PHF21B: variants seen among roughly 807,000 people sequenced by gnomAD.
PHF21B encodes PHD finger protein 21B.
A neutral mutation model predicts 62.2 loss-of-function variants in PHF21B; 22 were observed. The ratio of observed to expected loss-of-function variants is 0.35; its 90% confidence interval spans 0.25 to 0.51. The LOEUF (loss-of-function observed/expected upper bound fraction) is 0.51, where lower values mean the gene tolerates loss of function less well. PHF21B is among the 20% of genes least tolerant of loss of function. The pLI is 0.97. For synonymous variants in PHF21B, 341 were observed against 314.7 expected, an observed-to-expected ratio of 1.08 and a Z score of -0.88; for missense variants, 701 against 707.9, an observed-to-expected ratio of 0.99 and a Z score of 0.11.
At chr22:44,966,141 C>T (rs1242884203) in intron 2 of PHF21B, among the ~76,000 whole-genome samples, 3 of 152,160 alleles carry the variant, frequency 2.0e-5, no homozygotes, top group African/African-American at 7.2e-5. Context: ...GCACTCCCTG[C>T]ATCCCTCCAG....
At chr22:44,989,338 C>T (rs1189997739) in intron 2 of PHF21B, 3 of 152,148 alleles carry the variant, frequency 2.0e-5, no homozygotes, top group African/African-American at 7.2e-5. Flanking sequence ...CCAAAGAAAA[C>T]GCTGGATTTT....
At position 45,007,193 on chromosome 22, in the gene PHF21B, G is replaced by A. The variant is rs1310811125; in HGVS notation, c.120+1352C>T. 2.7e-5 allele frequency among the ~76,000 whole-genome samples: 4 copies of A among 148,180 alleles called. No homozygotes were observed. In the South Asian group the frequency reaches 8.6e-4, roughly 32 times the overall value. On this transcript the variant is annotated intron_variant, in intron 2 of 12. Coordinates refer to ENST00000313237, the MANE Select transcript of PHF21B (RefSeq NM_138415.5). ...GCGGCCCAGACCAGGCGCGGGCCGC[G>A]GCACTGCCATCTTCCTTTCAGCAAG...
intron 4 of PHF21B, 116 bp downstream of exon 4, chr22:44,916,164 G>T: frequency 2.1e-6 from 2 of 964,078 alleles, no homozygotes; most frequent in Non-Finnish European, 3.1e-6. Flanking sequence ...TGATCATTCT[G>T]CCTCCTGGTC....
chr22:45,006,514 G>T (rs2073316716), intron 2 of PHF21B, among the ~76,000 whole-genome samples: 1 of 152,046 alleles, frequency 6.6e-6, no homozygotes, highest in African/African-American at 2.4e-5. Flanking sequence ...ATTTTCAAAT[G>T]TTTCTTTCGG....
intron 2 of PHF21B, among the ~76,000 whole-genome samples, chr22:44,973,933 G>A (rs1569266263): frequency 6.6e-6 from 1 of 152,196 alleles, no homozygotes; most frequent in South Asian, 2.1e-4. Flanking sequence ...GGCAGGTAAG[G>A]ACAATGTAGG....
chr22:44,914,342 T>G (rs2071398791), intron 4 of PHF21B, among the ~76,000 whole-genome samples: 1 of 151,974 alleles, frequency 6.6e-6, no homozygotes, highest in Admixed American at 6.5e-5. Context: ...AAGGTCTGGG[T>G]TCCAGTCCTG....
intron 2 of PHF21B, among the ~76,000 whole-genome samples, chr22:44,926,942 G>C (rs972749729): frequency 6.6e-6 from 1 of 152,142 alleles, no homozygotes; most frequent in Non-Finnish European, 1.5e-5. Flanking sequence ...TTCCACACGA[G>C]TTCTTCTCGG....
intron 2 of PHF21B, among the ~76,000 whole-genome samples, chr22:44,923,489 G>A (rs998355983): frequency 1.3e-5 from 2 of 151,994 alleles, no homozygotes; most frequent in South Asian, 2.1e-4. Context: ...AAACATAATC[G>A]ATATAAGGGC....
chr22:44,923,149 A>C (rs990250370), intron 2 of PHF21B, among the ~76,000 whole-genome samples: 1 of 152,218 alleles, frequency 6.6e-6, no homozygotes, highest in Middle Eastern at 3.2e-3. Context: ...AAATAGATCA[A>C]TGGAACAGAA....
intron 3 of PHF21B, among the ~76,000 whole-genome samples, chr22:44,919,424 G>A (rs554659947): frequency 7.1e-4 from 108 of 152,092 alleles, no homozygotes; most frequent in Non-Finnish European, 1.5e-3. Context: ...TTTTATGTGC[G>A]GCCTAAGACA....
chr22:44,929,776 G>A (rs2071704277), intron 2 of PHF21B, among the ~76,000 whole-genome samples: 2 of 152,232 alleles, frequency 1.3e-5, no homozygotes, highest in South Asian at 4.1e-4. Flanking sequence ...TCTCAGTCCT[G>A]CGCGCCTCTG....
chr22:44,933,575 G>A (rs2071784231), intron 2 of PHF21B: 4 of 980,410 alleles, frequency 4.1e-6, no homozygotes, highest in African/African-American at 3.5e-5. Context: ...CTCAACGGAA[G>A]TGCACGGGAA....
In PHF21B at chr22:45,009,913, C is replaced by G. The variant is rs963717772; in HGVS notation, c.-364G>C. 6.8e-6 allele frequency: 1 copy of G among 146,546 alleles called. No homozygotes were observed. The highest frequency in any genetic ancestry group is 2.5e-5 in the African/African-American group (1 of 40,644). 9.1% of individuals were successfully genotyped at this position (146,546 alleles called of 1,614,324 possible). On this transcript the variant is annotated 5_prime_UTR_variant, in exon 1 of 13. Transcript: ENST00000313237. The surrounding 1 kb of genome is among the most constrained non-coding windows in gnomAD (Gnocchi z 5.9). ...GCCGCCTCCTCCCGCGCGAGCCTCC[C>G]GCGGGCAGGGACTATATTTCCTCCG...
intron 5 of PHF21B, among the ~76,000 whole-genome samples, chr22:44,908,866 T>C (rs969327198): frequency 1.3e-5 from 2 of 152,202 alleles, no homozygotes; most frequent in Admixed American, 6.5e-5. Flanking sequence ...GGTGCAATCT[T>C]GGCTCACCGC....
At position 44,900,036 on chromosome 22, in the gene PHF21B, T is replaced by A. The variant is rs543027042; in HGVS notation, c.832-3953A>T. 2.6e-5 allele frequency among the ~76,000 whole-genome samples: 4 copies of A among 152,344 alleles called. No homozygotes were observed. In the South Asian group the frequency reaches 8.3e-4, roughly 32 times the overall value. On this transcript the variant is annotated intron_variant, in intron 5 of 12. Transcript: ENST00000313237. ...GCTTTAAAGGGTATTTTCTGATTCATTTAAAGTCCCAACTGCTACAGATAA... is the reference window on the plus strand; with the variant it reads ...GCTTTAAAGGGTATTTTCTGATTCAATTAAAGTCCCAACTGCTACAGATAA...
At chr22:44,912,561 T>A (rs2071360818) in intron 5 of PHF21B, among the ~76,000 whole-genome samples, 1 of 152,184 alleles carries the variant, frequency 6.6e-6, no homozygotes, top group African/African-American at 2.4e-5. Context: ...ATGTAAGATG[T>A]GACTTGCTCC....
intron 2 of PHF21B, among the ~76,000 whole-genome samples, chr22:44,921,656 C>T (rs987122833): frequency 2.0e-5 from 3 of 151,752 alleles, no homozygotes; most frequent in Non-Finnish European, 2.9e-5. Context: ...GCATGAGCCA[C>T]GGAACCCAGC....
intron 6 of PHF21B, 99 bp downstream of exon 6, chr22:44,895,933 T>C: frequency 1.5e-6 from 2 of 1,322,088 alleles, no homozygotes; most frequent in East Asian, 4.6e-5. Flanking sequence ...TATCGGCTGC[T>C]GCTGAAGCCC....
intron 2 of PHF21B, among the ~76,000 whole-genome samples, chr22:44,981,011 G>A (rs1320907779): frequency 6.6e-6 from 1 of 152,198 alleles, no homozygotes; most frequent in Non-Finnish European, 1.5e-5. Context: ...TCTGCAAAAC[G>A]GGAAATAAAT....
Sources: allele counts gnomAD v4.1 joint callset (sites outside exome capture counted in the v4.1 genomes callset), GRCh38; gene constraint gnomAD v4.1.1; non-coding constraint Gnocchi (gnomAD v3.1); transcripts MANE v1.5; gene names NCBI Gene and HGNC (gene_info 2026-07-23, HGNC 2026-07-21).